TOR1AIP1: variants seen among roughly 807,000 people sequenced by gnomAD.
The protein encoded by TOR1AIP1 is torsin-1A-interacting protein 1.
A neutral mutation model predicts 63.3 loss-of-function variants in TOR1AIP1; 54 were observed. The ratio of observed to expected loss-of-function variants is 0.85; its 90% CI spans 0.69 to 1.07. TOR1AIP1 has a LOEUF of 1.07. Among genes scored for constraint, TOR1AIP1 ranks in the 50% least tolerant of loss-of-function variants. The pLI, the probability that TOR1AIP1 is intolerant of heterozygous loss-of-function variation, is 0.00. For synonymous variants in TOR1AIP1, 294 were observed against 273.5 expected, an observed-to-expected ratio of 1.07 and a Z score of -0.74; for missense variants, 736 against 715.0, an observed-to-expected ratio of 1.03 and a Z score of -0.33.
intron 8 of TOR1AIP1, among the ~76,000 whole-genome samples, chr1:179,909,555 C>T (rs941147775): frequency 2.6e-5 from 4 of 151,958 alleles, no homozygotes; most frequent in African/African-American, 7.3e-5. Flanking sequence ...GGACTACAGG[C>T]GCGTACCACC....
rs530407167 is a variant in TOR1AIP1, at chr1:179,919,387, C to T, written c.*1148C>T. The T allele has an allele frequency of 2.0e-5, 3 of 152,278 alleles. No individual in the cohort carries two copies. The highest frequency in any genetic ancestry group is 7.2e-5 in the African/African-American group (3 of 41,560). 9.4% of individuals were successfully genotyped at this position (152,278 alleles called of 1,614,324 possible). ...CCATTTGTTAACCAGCTGTCCTGGG[C>T]TATTGAAGAAGATTTCATTTTCCGC... On this transcript the variant is annotated 3_prime_UTR_variant, in exon 10 of 10. Coordinates refer to ENST00000606911, the MANE Select transcript of TOR1AIP1 (RefSeq NM_015602.4).
chr1:179,887,162 G>C (rs1035365330), intron 2 of TOR1AIP1, among the ~76,000 whole-genome samples: 3 of 152,204 alleles, frequency 2.0e-5, no homozygotes, highest in African/African-American at 7.2e-5. Flanking sequence ...CACTTTGGGA[G>C]GCCAAGGTGG....
chr1:179,887,669 G>A (rs4652455), intron 2 of TOR1AIP1, among the ~76,000 whole-genome samples: 7,955 of 152,224 alleles, frequency 0.052, 313 homozygotes, highest in Non-Finnish European at 0.068. Flanking sequence ...TGGAAATTAT[G>A]ACACTAATTT....
chr1:179,891,370 C>T (rs1266682174), intron 3 of TOR1AIP1, among the ~76,000 whole-genome samples: 1 of 151,542 alleles, frequency 6.6e-6, no homozygotes, highest in Non-Finnish European at 1.5e-5. Flanking sequence ...TACAGGTGCC[C>T]ACCACCACGC....
At position 179,882,598 on chromosome 1, in the gene TOR1AIP1, C is replaced by T; in HGVS notation, c.96C>T (p.Leu32=). 3 of 1,526,662 alleles carry T rather than the reference C, an allele frequency of 2.0e-6. No individual in the cohort carries two copies. The highest frequency in any genetic ancestry group is 8.8e-7 in the Non-Finnish European group (1 of 1,139,706). 94.6% of individuals were successfully genotyped at this position (1,526,662 alleles called of 1,614,324 possible). A position where few individuals can be genotyped will look rare whatever the true frequency, so the allele number is the denominator to read the frequency against. Reference sequence around the variant, plus strand: ...CCATCCGAGAGGGAAGGGGCCGGCTCGCCCCTCAAAATGGCGGCAGCAGCG... The same window carrying T: ...CCATCCGAGAGGGAAGGGGCCGGCTTGCCCCTCAAAATGGCGGCAGCAGCG... ...RAPIREGRGR[L]APQNGGSSDA... Residue 32 remains leucine, a synonymous_variant, in exon 1 of 10, where the codon CTC becomes CTT. Transcript: ENST00000606911.
At position 179,882,774 on chromosome 1, in the gene TOR1AIP1, G is replaced by A. The variant is rs769686590; in HGVS notation, c.272G>A (p.Arg91Gln). Reference sequence around the variant, plus strand: ...AAACGAACCCGGCTAGAAGAGTTCCGGTCCGATTCTGCGAAAGAGGAAGTG... The same window carrying A: ...AAACGAACCCGGCTAGAAGAGTTCCAGTCCGATTCTGCGAAAGAGGAAGTG... ...VGKRTRLEEF[R>Q]SDSAKEEVRE... Residue 91 changes from arginine (R) to glutamine (Q), a missense_variant, in exon 1 of 10, where the codon CGG (arginine) becomes CAG (glutamine). Physicochemically the swap from Arg to Gln is conservative, Grantham distance 43. Coordinates refer to ENST00000606911, the MANE Select transcript of TOR1AIP1 (RefSeq NM_015602.4). The A allele has an allele frequency of 1.7e-5, 28 of 1,614,082 alleles. No individual in the cohort carries two copies. The Admixed American group carries it at 4.2e-4, about 24-fold the overall frequency.
chr1:179,899,379 A>G (rs1648378725), intron 3 of TOR1AIP1, among the ~76,000 whole-genome samples: 1 of 152,142 alleles, frequency 6.6e-6, no homozygotes, highest in Non-Finnish European at 1.5e-5. Context: ...AAACAGTGAC[A>G]TACATGGACC....
chr1:179,884,779 G>A lies in TOR1AIP1; in HGVS notation c.553+10G>A, dbSNP rs1397979237. ...ATACAAGAGGCTCCAGGTAAGAATAGTTAACTTTTTGTTTTTCTCCTTACC... is the reference window on the plus strand; with the variant it reads ...ATACAAGAGGCTCCAGGTAAGAATAATTAACTTTTTGTTTTTCTCCTTACC... On this transcript the variant is annotated intron_variant, in intron 2 of 9. Coordinates refer to ENST00000606911, the MANE Select transcript of TOR1AIP1 (RefSeq NM_015602.4). 6 of 1,592,834 alleles carry A rather than the reference G, an allele frequency of 3.8e-6. No homozygotes were observed. The highest frequency in any genetic ancestry group is 4.3e-6 in the Non-Finnish European group (5 of 1,172,762).
At chr1:179,900,366 G>T in intron 4 of TOR1AIP1, 199 bp downstream of exon 4, 1 of 367,088 alleles carries the variant, frequency 2.7e-6, no homozygotes, top group Non-Finnish European at 5.2e-6. Flanking sequence ...GCACTATGCC[G>T]ATCAGGTGTC....
intron 3 of TOR1AIP1, among the ~76,000 whole-genome samples, chr1:179,894,808 C>T (rs1648214776): frequency 6.6e-6 from 1 of 152,180 alleles, no homozygotes; most frequent in Non-Finnish European, 1.5e-5. Context: ...ACAAAGTAAG[C>T]CAAGTTTATG....
Position 179,919,841 on chromosome 1 carries a change from A to G in TOR1AIP1, c.*1602A>G, listed in dbSNP as rs960700964. 3.3e-5 allele frequency: 5 copies of G among 152,234 alleles called. No individual in the cohort carries two copies. Among genetic ancestry groups the G allele is most frequent in the African/African-American group, 1.2e-4 (5 of 41,466 alleles). The allele number at this position is 152,234 out of a possible 1,614,324, so 9.4% of individuals were successfully genotyped here. ...GTAATTTGTTCCTCTTAGAAGTCAG[A>G]TCATCTGATTTATAGAGGATTATGA... is the stretch of plus-strand genomic sequence containing the variant. On this transcript the variant is annotated 3_prime_UTR_variant, in exon 10 of 10. Transcript: ENST00000606911.
intron 1 of TOR1AIP1, 90 bp downstream of exon 1, chr1:179,883,067 G>C (rs1359996167): frequency 8.5e-7 from 1 of 1,175,298 alleles, no homozygotes; most frequent in Non-Finnish European, 1.2e-6. Flanking sequence ...GCCCGCCTGG[G>C]TACTAAGTAC....
intron 3 of TOR1AIP1, among the ~76,000 whole-genome samples, chr1:179,893,647 G>T (rs1648177249): frequency 6.6e-6 from 1 of 151,980 alleles, no homozygotes; most frequent in South Asian, 2.1e-4. Flanking sequence ...CACCATGTTT[G>T]CCAGGTTGGT....
chr1:179,892,444 G>T (rs984270320), intron 3 of TOR1AIP1, among the ~76,000 whole-genome samples: 4 of 151,798 alleles, frequency 2.6e-5, no homozygotes, highest in Admixed American at 2.6e-4. Context: ...TTGCACTCCA[G>T]CCTGGGCAAA....
At chr1:179,888,952 G>A (rs1014258749) in intron 2 of TOR1AIP1, among the ~76,000 whole-genome samples, 14 of 152,028 alleles carry the variant, frequency 9.2e-5, no homozygotes, top group Non-Finnish European at 1.9e-4. Flanking sequence ...CCACAATGAG[G>A]GTCAGTCACA....
rs1470187256 is a variant in TOR1AIP1 at position 179,882,946 on chromosome 1, G to T, written c.444G>T (p.Arg148Ser). 9 of 1,613,516 alleles carry T rather than the reference G, an allele frequency of 5.6e-6. No homozygotes were observed. In the Admixed American group the frequency reaches 1.5e-4, roughly 27 times the overall value. ...TACAGCCGTCTCCTGTTATGACCAG[G>T]AGAGGGCTGCGGGACTCTCATTCCT... is the stretch of plus-strand genomic sequence containing the variant. ...PPLQPSPVMT[R>S]RGLRDSHSSE... Residue 148 changes from arginine to serine, a missense_variant, in exon 1 of 10, where the codon AGG becomes AGT. This residue lies in a region of TOR1AIP1 where 464 missense variants were observed against 371.0 expected (regional missense o/e 1.25). Coordinates refer to ENST00000606911, the MANE Select transcript of TOR1AIP1 (RefSeq NM_015602.4).
At position 179,917,734 on chromosome 1, in the gene TOR1AIP1, G is replaced by A. The variant is rs779753660; in HGVS notation, c.1247G>A (p.Arg416Gln). The A allele has an allele frequency of 5.6e-6, 9 of 1,614,164 alleles. No homozygotes were observed. Among genetic ancestry groups the A allele is most frequent in the Admixed American group, 3.3e-5 (2 of 60,020 alleles). The change falls in exon 10 of 10, where the codon CGA (arginine) becomes CAA (glutamine). Residue 416 changes from arginine (R) to glutamine (Q), a missense_variant. This residue lies in a region of TOR1AIP1 where 272 missense variants were observed against 344.1 expected (regional missense o/e 0.79). Transcript: ENST00000606911. ...GCTATCTTACTGCTCACTGCTGCCC[G>A]AGATGCTGAAGAAGCACTTAGGTGT... ...QPAILLLTAARDAEEALRCLS... is the reference protein window; with the variant it reads ...QPAILLLTAAQDAEEALRCLS...
At position 179,882,456 on chromosome 1, in the gene TOR1AIP1, G is replaced by C. The variant is rs1396460816; in HGVS notation, c.-47G>C. The C allele has an allele frequency of 1.4e-6, 2 of 1,389,162 alleles. No individual in the cohort carries two copies. Among genetic ancestry groups the C allele is most frequent in the East Asian group, 5.6e-5 (2 of 36,012 alleles). The allele number at this position is 1,389,162 out of a possible 1,614,324, so 86.1% of individuals were successfully genotyped here. A position where few individuals can be genotyped will look rare whatever the true frequency, so the allele number is the denominator to read the frequency against. On this transcript the variant is annotated 5_prime_UTR_variant, in exon 1 of 10. Coordinates refer to ENST00000606911, the MANE Select transcript of TOR1AIP1 (RefSeq NM_015602.4). The stretch of plus-strand genomic sequence containing the variant: ...CGCCACCACCGGCAGGAGAACCTAG[G>C]GTCCATAAAGCCATCTTCGCGATCG...
chr1:179,904,704 A>T (rs1571732787), intron 6 of TOR1AIP1: 2 of 152,108 alleles, frequency 1.3e-5, no homozygotes, highest in African/African-American at 2.4e-5. Flanking sequence ...GGTTCACTGT[A>T]GCCTCGAACT....
Sources: allele counts gnomAD v4.1 joint callset (sites outside exome capture counted in the v4.1 genomes callset), GRCh38; gene constraint gnomAD v4.1.1; regional missense constraint gnomAD v4.1.1; transcripts MANE v1.5; gene names NCBI Gene and HGNC (gene_info 2026-07-23, HGNC 2026-07-21).